Variants in PPCS observed in about 807,000 individuals in gnomAD.
PPCS encodes the protein phosphopantothenate--cysteine ligase.
In PPCS, 17 loss-of-function variants were observed where a neutral mutation model predicts 24.6. The ratio of observed to expected loss-of-function variants is 0.69; its 90% CI spans 0.47 to 1.04. The LOEUF (loss-of-function observed/expected upper bound fraction) is 1.04. Among genes scored for constraint, PPCS ranks in the 50% least tolerant of loss-of-function variants. PPCS has a pLI of 0.00. For synonymous variants in PPCS, 190 were observed against 168.3 expected (o/e 1.13, Z -1.00); for missense variants, 360 against 402.8 (o/e 0.89, Z 0.91).
At chr1:42,457,456 AG>A in intron 2 of PPCS, 106 bp downstream of exon 2, 1 of 955,300 alleles carries the variant, frequency 1.0e-6, no homozygotes, top group Non-Finnish European at 1.7e-6. Context: ...CGCTAGGCAC[AG>A]GGGATACAGA....
exon 3 of PPCS, chr1:42,473,209 G>T: frequency 8.1e-7 from 1 of 1,231,362 alleles, no homozygotes; most frequent in Non-Finnish European, 1.0e-6. Flanking sequence ...ACTCTGTTTG[G>T]TGCTTATTCC....
chr1:42,457,921 C>T (rs1300786216), intron 2 of PPCS, among the ~76,000 whole-genome samples: 1 of 150,684 alleles, frequency 6.6e-6, no homozygotes. Context: ...CGCCATTGCA[C>T]TCCAGCCCGG....
downstream of PPCS, among the ~76,000 whole-genome samples, chr1:42,463,059 G>A (rs12047502): frequency 0.2 from 30,500 of 152,226 alleles, 3,337 homozygotes; most frequent in South Asian, 0.42. Context: ...TATTCGCTAA[G>A]TCGCAAACGC....
At position 42,460,751 on chromosome 1, in the gene PPCS, C is replaced by T. The variant is rs142167873; in HGVS notation, c.*825C>T. On this transcript the variant is annotated 3_prime_UTR_variant, in exon 3 of 3. Transcript: ENST00000372561. ...TAAACTTAGGCATTTGACTTAATCT[C>T]AGTGTCCACATGCATAAAATGAGGA... 2.2e-3 allele frequency among the ~76,000 whole-genome samples: 340 copies of T among 152,302 alleles called. 2 individuals are homozygous for T. The highest frequency in any genetic ancestry group is 7.9e-3 in the African/African-American group (327 of 41,562).
At chr1:42,456,391 G>A, upstream of PPCS, 2 of 744,542 alleles carry the variant, frequency 2.7e-6, no homozygotes, top group Non-Finnish European at 4.2e-6. Flanking sequence ...ACTTTCGCTG[G>A]GCTCTGGGGC....
chr1:42,463,133 G>A (rs1267792831), downstream of PPCS, among the ~76,000 whole-genome samples: 3 of 152,160 alleles, frequency 2.0e-5, no homozygotes, highest in African/African-American at 7.2e-5. Flanking sequence ...CTATCGATAC[G>A]GCCGGGACAA....
chr1:42,460,336 ATATCT>A lies in PPCS; in HGVS notation c.*412_*416del. ...ATGAGGATTAAAAAGATGAATAAAC[ATATCT>A]TGTTTAGGAAATGGATGTATAAAAA... On this transcript the variant is annotated 3_prime_UTR_variant, in exon 3 of 3. Transcript: ENST00000372561. 1 of 987,486 alleles carries A rather than the reference ATATCT, an allele frequency of 1.0e-6. No individual in the cohort carries two copies. 61.2% of individuals were successfully genotyped at this position (987,486 alleles called of 1,614,324 possible).
chr1:42,461,849 A>G (rs774923377), downstream of PPCS, among the ~76,000 whole-genome samples: 2 of 152,124 alleles, frequency 1.3e-5, no homozygotes, highest in Non-Finnish European at 2.9e-5. Context: ...CCAGCCACCC[A>G]GGCTCCTTTG....
At chr1:42,462,015 A>G (rs1027257813), downstream of PPCS, among the ~76,000 whole-genome samples, 11 of 152,190 alleles carry the variant, frequency 7.2e-5, no homozygotes, top group African/African-American at 2.7e-4. Flanking sequence ...TGAATGTACA[A>G]TGGGGATATA....
In PPCS at chr1:42,460,114, A is replaced by C; in HGVS notation, c.*188A>C. 1 of 1,360,114 alleles carries C rather than the reference A, an allele frequency of 7.4e-7. No individual in the cohort carries two copies. The highest frequency in any genetic ancestry group is 9.4e-7 in the Non-Finnish European group (1 of 1,061,052). 84.3% of individuals were successfully genotyped at this position (1,360,114 alleles called of 1,614,324 possible). On this transcript the variant is annotated 3_prime_UTR_variant, in exon 3 of 3. Coordinates refer to ENST00000372561, the MANE Select transcript of PPCS (RefSeq NM_024664.4). ...TGATATGATGTCATTTTGATTTTGA[A>C]ATTGAACACTAGAACTGTTAATCAC...
Position 42,460,285 on chromosome 1 carries a change from A to G in PPCS, c.*359A>G, listed in dbSNP as rs1006431686. The G allele has an allele frequency of 1.9e-5, 19 of 1,009,350 alleles. No homozygotes were observed. The highest frequency in any genetic ancestry group is 3.4e-5 in the African/African-American group (2 of 58,018). The allele number at this position is 1,009,350 out of a possible 1,614,324, so 62.5% of individuals were successfully genotyped here. A position where few individuals can be genotyped will look rare whatever the true frequency, so the allele number is the denominator to read the frequency against. ...GAGATCAAATATTGGTTGAATGCCT[A>G]TGTATGTCAGGCCCTGTGCTGAGCC... On this transcript the variant is annotated 3_prime_UTR_variant, in exon 3 of 3. Coordinates refer to ENST00000372561, the MANE Select transcript of PPCS (RefSeq NM_024664.4).
chr1:42,470,986 A>AG (rs1349303626), intron 2 of PPCS, among the ~76,000 whole-genome samples: 1 of 152,226 alleles, frequency 6.6e-6, no homozygotes, highest in Non-Finnish European at 1.5e-5. Flanking sequence ...AATTAAGAAA[A>AG]AGGGGGAAGA....
rs552815572 is a variant in PPCS, at chr1:42,460,947, C to G, written c.*1021C>G. ...CCACTGCCCTGCTTAATCTTTGAAT[C>G]CTTGAGAATCTTTGAAAAACTTTCA... On this transcript the variant is annotated 3_prime_UTR_variant, in exon 3 of 3. Coordinates refer to ENST00000372561, the MANE Select transcript of PPCS (RefSeq NM_024664.4). 6.6e-6 allele frequency among the ~76,000 whole-genome samples: 1 copy of G among 152,214 alleles called. No homozygotes were observed. The highest frequency in any genetic ancestry group is 1.5e-5 in the Non-Finnish European group (1 of 68,036).
Position 42,459,923 on chromosome 1 carries a change from C to A in PPCS, c.933C>A (p.Asn311Lys). The change falls in exon 3 of 3, where the codon AAC (asparagine) becomes AAA (lysine). Residue 311 changes from asparagine (N) to lysine (K), a missense_variant. Physicochemically the swap from Asn to Lys is moderately conservative, Grantham distance 94. This residue lies in a region of PPCS where 116 missense variants were observed against 168.1 expected (regional missense o/e 0.69). Coordinates refer to ENST00000372561, the MANE Select transcript of PPCS (RefSeq NM_024664.4). ...SRHTAFIGDR[N>K] ...ACACAGCTTTTATAGGTGACAGAAA[C>A]TGAAGTAAAAAGCCCTTATAGGATC... is the stretch of plus-strand genomic sequence containing the variant. 1 of 1,602,414 alleles carries A rather than the reference C, an allele frequency of 6.2e-7. No homozygotes were observed. The highest frequency in any genetic ancestry group is 8.5e-7 in the Non-Finnish European group (1 of 1,174,254).
Position 42,456,842 on chromosome 1 carries a change from G to A in PPCS, c.277G>A (p.Ala93Thr). 6.2e-7 allele frequency: 1 copy of A among 1,613,476 alleles called. No individual in the cohort carries two copies. Among genetic ancestry groups the A allele is most frequent in the Non-Finnish European group, 8.5e-7 (1 of 1,180,030 alleles). The change falls in exon 1 of 3, where the codon GCC (alanine) becomes ACC (threonine). Residue 93 changes from alanine to threonine, a missense_variant. Around this residue, in one of 2 missense-constraint regions of PPCS, gnomAD observed 244 missense variants for 234.7 expected, o/e 1.04. Coordinates refer to ENST00000372561, the MANE Select transcript of PPCS (RefSeq NM_024664.4). ...TCGCGCTCGCTCTGCCTTCCCCTATGCCCACCGCTTCCCACCCCAGACTTG... is the reference window on the plus strand; with the variant it reads ...TCGCGCTCGCTCTGCCTTCCCCTATACCCACCGCTTCCCACCCCAGACTTG... ...LYRARSAFPYAHRFPPQTWLS... is the reference protein window; with the variant it reads ...LYRARSAFPYTHRFPPQTWLS...
At chr1:42,468,986 T>A in intron 2 of PPCS, among the ~76,000 whole-genome samples, 3 of 146,404 alleles carry the variant, frequency 2.0e-5, no homozygotes, top group African/African-American at 5.1e-5. Context: ...GACATAGGAG[T>A]CAAAACAGGA....
chr1:42,458,282 A>G (rs1190622693), intron 2 of PPCS, among the ~76,000 whole-genome samples: 1 of 152,194 alleles, frequency 6.6e-6, no homozygotes, highest in East Asian at 1.9e-4. Context: ...TGGAGTGGGT[A>G]GATTAGTTGG....
chr1:42,459,955 T>C lies in PPCS; in HGVS notation c.*29T>C. On this transcript the variant is annotated 3_prime_UTR_variant, in exon 3 of 3. Coordinates refer to ENST00000372561, the MANE Select transcript of PPCS (RefSeq NM_024664.4). Reference sequence around the variant, plus strand: ...AAAAAGCCCTTATAGGATCAAAAATTGTTCAGGGCTCTTAGAGATGGTGAA... The same window carrying C: ...AAAAAGCCCTTATAGGATCAAAAATCGTTCAGGGCTCTTAGAGATGGTGAA... 1.3e-6 allele frequency: 2 copies of C among 1,556,660 alleles called. No individual in the cohort carries two copies. Among genetic ancestry groups the C allele is most frequent in the Non-Finnish European group, 1.7e-6 (2 of 1,156,372 alleles).
In PPCS at chr1:42,459,712, A is replaced by G. The variant is rs1569624038; in HGVS notation, c.722A>G (p.Asn241Ser). The G allele has an allele frequency of 6.2e-7, 1 of 1,614,194 alleles. No individual in the cohort carries two copies. The highest frequency in any genetic ancestry group is 8.5e-7 in the Non-Finnish European group (1 of 1,180,034). The part of the protein sequence containing the change: ...KLETDPAIVI[N>S]RARKALEIYQ... ...GAGACTGACCCCGCCATTGTAATTA[A>G]TCGAGCTCGGAAGGCTTTGGAAATT... The change falls in exon 3 of 3, where the codon AAT (asparagine) becomes AGT (serine). Residue 241 changes from asparagine (N) to serine (S), a missense_variant. Asn to Ser is a conservative substitution (Grantham distance 46, BLOSUM62 1). This residue lies in a region of PPCS where 116 missense variants were observed against 168.1 expected (regional missense o/e 0.69). Transcript: ENST00000372561.
Sources: gnomAD v4.1 joint callset for allele counts (sites outside exome capture counted in the v4.1 genomes callset) on GRCh38, gnomAD v4.1.1 for gene constraint, gnomAD v4.1.1 regional missense constraint, MANE v1.5 for transcripts, NCBI Gene and HGNC (gene_info 2026-07-23, HGNC 2026-07-21) for gene names.